The following LHPP variants were observed in gnomAD, a reference collection of about 807,000 sequenced individuals.
LHPP encodes phospholysine phosphohistidine inorganic pyrophosphate phosphatase.
A neutral mutation model predicts 30.3 loss-of-function variants in LHPP; 24 were observed. The ratio of observed to expected loss-of-function variants is 0.79; its 90% CI spans 0.57 to 1.11. LHPP has a LOEUF of 1.11. Among genes scored for constraint, LHPP ranks in the 50% most tolerant of loss-of-function variants. The probability of loss-of-function intolerance (pLI) is 0.00; values close to 1 mark genes in which losing one functional copy is unlikely to be tolerated. For missense variants in LHPP, 356 were observed against 367.2 expected (o/e 0.97, Z 0.25); for synonymous variants, 150 against 157.1 (o/e 0.95, Z 0.34).
rs937093155 is a variant in LHPP at position 124,576,683 on chromosome 10, C to T, written c.717-36581C>T. Among the ~76,000 whole-genome samples the T allele has an allele frequency of 3.9e-5, 6 of 152,092 alleles. No homozygotes were observed. Among genetic ancestry groups the T allele is most frequent in the Non-Finnish European group, 2.9e-5 (2 of 68,010 alleles). ...GCACACACAAAACTCCTTCCCTGAG[C>T]GAGGGATAGGCAGAGCTGAGGGCGG... is the stretch of plus-strand genomic sequence containing the variant. On this transcript the variant is annotated intron_variant, in intron 6 of 6. Coordinates refer to ENST00000368842, the MANE Select transcript of LHPP (RefSeq NM_022126.4). The surrounding 1 kb of genome is among the most constrained non-coding windows in gnomAD (Gnocchi z 4.2).
intron 6 of LHPP, among the ~76,000 whole-genome samples, chr10:124,542,887 G>A (rs1437424701): frequency 6.6e-6 from 1 of 152,196 alleles, no homozygotes; most frequent in East Asian, 1.9e-4. Context: ...GAGGCTGAGG[G>A]TCCTGCACAT....
chr10:124,602,436 C>T (rs1041778514), intron 6 of LHPP, among the ~76,000 whole-genome samples: 11 of 152,200 alleles, frequency 7.2e-5, no homozygotes, highest in East Asian at 3.8e-4. Context: ...ACCTGCATCC[C>T]GGGGCCTGCC....
chr10:124,596,876 T>C lies in LHPP; in HGVS notation c.717-16388T>C, dbSNP rs968180021. On this transcript the variant is annotated intron_variant, in intron 6 of 6. Coordinates refer to ENST00000368842, the MANE Select transcript of LHPP (RefSeq NM_022126.4). This position sits in a 1 kb window ranked among gnomAD's most constrained non-coding sequence, Gnocchi z 4.6. ...AGTTTTGTTTCTGGCTGGTTAAGTG[T>C]GTCTGTGAGGGTGTTGCCAGAGGAG... Among the ~76,000 whole-genome samples the C allele has an allele frequency of 6.6e-6, 1 of 152,184 alleles. No individual in the cohort carries two copies. The highest frequency in any genetic ancestry group is 1.5e-5 in the Non-Finnish European group (1 of 68,024).
chr10:124,468,736 C>G (rs1952635595), intron 1 of LHPP, among the ~76,000 whole-genome samples: 1 of 152,198 alleles, frequency 6.6e-6, no homozygotes, highest in Admixed American at 6.5e-5. Context: ...TGGCAGGGCC[C>G]CCTTCAGCCT....
chr10:124,552,571 G>A (rs1282131554), intron 6 of LHPP, among the ~76,000 whole-genome samples: 1 of 152,184 alleles, frequency 6.6e-6, no homozygotes, highest in East Asian at 1.9e-4. Context: ...GAGAGAAGAC[G>A]AGCTGAGCAG....
chr10:124,506,434 G>A (rs1181851875), intron 5 of LHPP, among the ~76,000 whole-genome samples: 3 of 151,950 alleles, frequency 2.0e-5, no homozygotes, highest in Non-Finnish European at 4.4e-5. Flanking sequence ...ATTGTCTGTA[G>A]ACATTGCCAG....
chr10:124,586,271 C>G (rs1223717789), intron 6 of LHPP, among the ~76,000 whole-genome samples: 2 of 152,082 alleles, frequency 1.3e-5, no homozygotes, highest in Non-Finnish European at 2.9e-5. Flanking sequence ...ACCTTTCTGT[C>G]TAAATGAGAG....
At chr10:124,484,027 C>A (rs1953233024) in intron 1 of LHPP, 112 bp from the exon 2 acceptor site, 1 of 985,886 alleles carries the variant, frequency 1.0e-6, no homozygotes, top group South Asian at 1.5e-5. Flanking sequence ...TCGCAGTGGC[C>A]TAGTCTGCTC....
intron 3 of LHPP, among the ~76,000 whole-genome samples, chr10:124,495,294 C>T (rs1421163746): frequency 2.0e-5 from 3 of 152,138 alleles, no homozygotes; most frequent in Non-Finnish European, 2.9e-5. Context: ...CTGGGGTTCA[C>T]GTGGAGAGTC....
intron 6 of LHPP, among the ~76,000 whole-genome samples, chr10:124,550,837 C>T (rs1014236066): frequency 6.6e-6 from 1 of 152,184 alleles, no homozygotes; most frequent in African/African-American, 2.4e-5. Context: ...GCCCTCCTGC[C>T]CACGGCCCTG....
chr10:124,578,922 T>C (rs943747995), intron 6 of LHPP, among the ~76,000 whole-genome samples: 18 of 151,880 alleles, frequency 1.2e-4, no homozygotes, highest in African/African-American at 4.3e-4. Context: ...CAGGCCTCCC[T>C]GGAGGGCCAG....
chr10:124,561,157 A>G (rs2133970620), intron 6 of LHPP, among the ~76,000 whole-genome samples: 1 of 152,322 alleles, frequency 6.6e-6, no homozygotes, highest in East Asian at 1.9e-4. Context: ...CTGAAGGACC[A>G]AGCCAGGGGC....
intron 2 of LHPP, among the ~76,000 whole-genome samples, chr10:124,487,023 C>T (rs1050488221): frequency 5.9e-5 from 9 of 152,232 alleles, no homozygotes; most frequent in East Asian, 1.9e-4. Context: ...TTTTACCCAA[C>T]GTAATGTTTT....
chr10:124,470,675 C>T (rs113276459), intron 1 of LHPP, among the ~76,000 whole-genome samples: 28 of 123,074 alleles, frequency 2.3e-4, no homozygotes, highest in Non-Finnish European at 4.9e-4. Context: ...ACAACAACAA[C>T]AACAACAATA....
intron 5 of LHPP, among the ~76,000 whole-genome samples, chr10:124,499,259 G>A (rs112076705): frequency 3.3e-5 from 5 of 151,714 alleles, no homozygotes; most frequent in East Asian, 2.0e-4. Flanking sequence ...AGCTCAAGCC[G>A]TCCTCCTGCC....
intron 6 of LHPP, among the ~76,000 whole-genome samples, chr10:124,608,607 A>G (rs1436762705): frequency 6.6e-6 from 1 of 152,206 alleles, no homozygotes. Flanking sequence ...AGATGAGGAA[A>G]CTGAGGCAGA....
chr10:124,509,664 G>A (rs1954251250), intron 5 of LHPP, among the ~76,000 whole-genome samples: 1 of 151,634 alleles, frequency 6.6e-6, no homozygotes, highest in African/African-American at 2.4e-5. Flanking sequence ...CTGTCTCCAG[G>A]TCTCTGTGGG....
At chr10:124,469,255 C>T (rs1021821425) in intron 1 of LHPP, among the ~76,000 whole-genome samples, 7 of 152,244 alleles carry the variant, frequency 4.6e-5, no homozygotes, top group Non-Finnish European at 8.8e-5. Context: ...GCTCCCGGCA[C>T]CATGGGCTCC....
At chr10:124,573,998 G>C (rs1051070543) in intron 6 of LHPP, among the ~76,000 whole-genome samples, 4 of 152,070 alleles carry the variant, frequency 2.6e-5, no homozygotes, top group Admixed American at 2.6e-4. Flanking sequence ...TGGAGCCACC[G>C]TGCTGCCCCA....
Sources: allele counts gnomAD v4.1 joint callset (sites outside exome capture counted in the v4.1 genomes callset), GRCh38; gene constraint gnomAD v4.1.1; non-coding constraint Gnocchi (gnomAD v3.1); transcripts MANE v1.5; gene names NCBI Gene and HGNC (gene_info 2026-07-23, HGNC 2026-07-21).